MAPK10: variants seen among roughly 807,000 people sequenced by gnomAD.
The protein encoded by MAPK10 is JNK3 alpha protein kinase.
Under a neutral mutation model 59.3 loss-of-function variants are expected in MAPK10, and 25 were observed. That is an observed-to-expected ratio of 0.42 (90% CI 0.31 to 0.59). The LOEUF is 0.59. Ranked by LOEUF, MAPK10 falls within the 20% of genes least tolerant of loss-of-function variation. The probability of loss-of-function intolerance (pLI) is 0.15; values close to 1 mark genes in which losing one functional copy is unlikely to be tolerated. For synonymous variants in MAPK10, 190 were observed against 200.5 expected (o/e 0.95, Z 0.44); for missense variants, 351 against 568.9 (o/e 0.62, Z 3.90).
At chr4:86,165,684 A>G (rs2071465399) in intron 3 of MAPK10, among the ~76,000 whole-genome samples, 1 of 149,258 alleles carries the variant, frequency 6.7e-6, no homozygotes, top group South Asian at 2.1e-4. Context: ...TACAGGCGTG[A>G]GCCACAGCAC....
At chr4:86,441,817 C>T (rs1749465045) in intron 1 of MAPK10, among the ~76,000 whole-genome samples, 1 of 152,176 alleles carries the variant, frequency 6.6e-6, no homozygotes, top group Non-Finnish European at 1.5e-5. Context: ...CCCCTATTGT[C>T]CCCATGGAAG....
In MAPK10 at chr4:86,014,883, C is replaced by T. The variant is rs749111754; in HGVS notation, c.*2345G>A. The T allele has an allele frequency of 2.0e-5, 3 of 151,938 alleles. No homozygotes were observed. Among genetic ancestry groups the T allele is most frequent in the Non-Finnish European group, 4.4e-5 (3 of 68,014 alleles). 9.4% of individuals were successfully genotyped at this position (151,938 alleles called of 1,614,324 possible). A position where few individuals can be genotyped will look rare whatever the true frequency, so the allele number is the denominator to read the frequency against. On this transcript the variant is annotated 3_prime_UTR_variant, in exon 14 of 14. Transcript: ENST00000641462. ...TTGAGACTCTCTTTAAAGCAGCTTC[C>T]TGCTCTCCGCACTTAATCCCATGTG... is the stretch of plus-strand genomic sequence containing the variant.
At chr4:86,142,998 T>A (rs1014324911) in intron 4 of MAPK10, among the ~76,000 whole-genome samples, 1 of 152,202 alleles carries the variant, frequency 6.6e-6, no homozygotes, top group Non-Finnish European at 1.5e-5. Context: ...AAATACCTGA[T>A]ACTGGGTAAT....
intron 9 of MAPK10, among the ~76,000 whole-genome samples, chr4:86,079,197 C>G (rs1330917768): frequency 6.6e-6 from 1 of 152,030 alleles, no homozygotes; most frequent in African/African-American, 2.4e-5. Context: ...AAATATGAAG[C>G]TGGCAAATTA....
chr4:86,507,613 G>GAGAT (rs1755836237), intron 1 of MAPK10, among the ~76,000 whole-genome samples: 2 of 37,484 alleles, frequency 5.3e-5, no homozygotes, highest in African/African-American at 2.0e-4. Flanking sequence ...GAATAAACTG[G>GAGAT]AGATATATAT....
intron 1 of MAPK10, among the ~76,000 whole-genome samples, chr4:86,380,157 G>A (rs1448390810): frequency 1.3e-5 from 2 of 152,124 alleles, no homozygotes; most frequent in African/African-American, 2.4e-5. Context: ...GGGAGGCAGA[G>A]GTTGTGGTGG....
At chr4:86,154,899 C>A (rs1034488444) in intron 4 of MAPK10, among the ~76,000 whole-genome samples, 4 of 151,998 alleles carry the variant, frequency 2.6e-5, no homozygotes, top group Non-Finnish European at 5.9e-5. Context: ...CAATTTTTCT[C>A]GTAATTTTTA....
upstream of MAPK10, among the ~76,000 whole-genome samples, chr4:86,455,511 A>T (rs1027755862): frequency 6.6e-6 from 1 of 152,214 alleles, no homozygotes; most frequent in Non-Finnish European, 1.5e-5. Context: ...AGCTATTCTT[A>T]TATCAGACAA....
chr4:86,410,657 C>G (rs140501597), intron 1 of MAPK10, among the ~76,000 whole-genome samples: 7,410 of 152,182 alleles, frequency 0.049, 230 homozygotes, highest in Non-Finnish European at 0.077. Context: ...AGGAATTTAT[C>G]CATTTCTTCT....
At chr4:86,327,667 C>G (rs756155936) in intron 2 of MAPK10, 2 of 151,302 alleles carry the variant, frequency 1.3e-5, no homozygotes, top group Admixed American at 1.3e-4. Flanking sequence ...TGACTAGGCA[C>G]GGTGGCTCAC....
chr4:86,297,827 T>C (rs2095396898), intron 2 of MAPK10, among the ~76,000 whole-genome samples: 1 of 152,198 alleles, frequency 6.6e-6, no homozygotes, highest in Non-Finnish European at 1.5e-5. Context: ...TTCCCTCTGG[T>C]AACCTTTACA....
intron 9 of MAPK10, among the ~76,000 whole-genome samples, chr4:86,085,877 T>C (rs746598980): frequency 1.3e-5 from 2 of 151,746 alleles, no homozygotes; most frequent in Non-Finnish European, 1.5e-5. Context: ...ATAAAGAAAA[T>C]GTGGTACATT....
chr4:86,334,698 A>G (rs13132206), intron 2 of MAPK10, among the ~76,000 whole-genome samples: 35,429 of 151,672 alleles, frequency 0.23, 4,655 homozygotes, highest in South Asian at 0.43. Context: ...CGTTTCCTCA[A>G]GGAGACTTCC....
At chr4:86,150,756 G>T (rs754643310) in intron 4 of MAPK10, among the ~76,000 whole-genome samples, 3 of 152,200 alleles carry the variant, frequency 2.0e-5, no homozygotes, top group Non-Finnish European at 2.9e-5. Flanking sequence ...CAGCTACTCA[G>T]TAGGCTGAGG....
chr4:86,366,649 A>C (rs536855478), intron 1 of MAPK10, among the ~76,000 whole-genome samples: 2 of 152,162 alleles, frequency 1.3e-5, no homozygotes, highest in Non-Finnish European at 2.9e-5. Flanking sequence ...ATGAGAATTC[A>C]GACTCTTAAA....
chr4:86,388,710 T>C (rs973657554), intron 1 of MAPK10, among the ~76,000 whole-genome samples: 3 of 152,174 alleles, frequency 2.0e-5, no homozygotes, highest in African/African-American at 7.2e-5. Flanking sequence ...AATCACTTTA[T>C]GTAACCTTAA....
chr4:86,416,357 A>G (rs981820688), intron 1 of MAPK10, among the ~76,000 whole-genome samples: 1 of 152,262 alleles, frequency 6.6e-6, no homozygotes, highest in Non-Finnish European at 1.5e-5. Context: ...GTATTTTGCT[A>G]TGGCAGCCTG....
At chr4:86,483,630 C>G (rs1257913943) in intron 1 of MAPK10, among the ~76,000 whole-genome samples, 1 of 151,984 alleles carries the variant, frequency 6.6e-6, no homozygotes, top group Non-Finnish European at 1.5e-5. Context: ...ATTTATCGAA[C>G]ACCTGCTAAG....
chr4:86,516,843 T>G (rs1756704385), intron 1 of MAPK10, among the ~76,000 whole-genome samples: 1 of 152,156 alleles, frequency 6.6e-6, no homozygotes, highest in Non-Finnish European at 1.5e-5. Flanking sequence ...AGCTATGCAA[T>G]CATATCACTG....
Sources: allele counts gnomAD v4.1 joint callset (sites outside exome capture counted in the v4.1 genomes callset), GRCh38; gene constraint gnomAD v4.1.1; transcripts MANE v1.5; gene names NCBI Gene and HGNC (gene_info 2026-07-23, HGNC 2026-07-21).